MLIP: variants seen among roughly 807,000 people sequenced by gnomAD.
MLIP encodes muscular LMNA interacting protein, also known as muscular LMNA-interacting protein.
A neutral mutation model predicts 84.8 loss-of-function variants in MLIP; 79 were observed. The observed-to-expected ratio is 0.93, with a 90% confidence interval of 0.78 to 1.12. The LOEUF (loss-of-function observed/expected upper bound fraction) is 1.12. Ranked by LOEUF, MLIP falls within the 50% of genes most tolerant of loss-of-function variation. The pLI is 0.00. For synonymous variants in MLIP, 504 were observed against 463.0 expected, an observed-to-expected ratio of 1.09 and a Z score of -1.14; for missense variants, 1,257 against 1,160.6, an observed-to-expected ratio of 1.08 and a Z score of -1.21.
rs190272053 is a variant in MLIP, at chr6:54,084,705, T to C, written c.64-36742T>C. ...AATAGGGAAGATTAGTATATTTTCA[T>C]TGCATTTTTTAAGCTTGTTGCCCCA... On this transcript the variant is annotated intron_variant, in intron 1 of 12. Transcript: ENST00000274897. Among the ~76,000 whole-genome samples the C allele has an allele frequency of 8.6e-4, 131 of 152,328 alleles. 1 individual carries two copies. Among genetic ancestry groups the C allele is most frequent in the African/African-American group, 2.8e-3 (118 of 41,580 alleles).
At chr6:54,205,783 A>G (rs1398418928) in intron 11 of MLIP, among the ~76,000 whole-genome samples, 5 of 152,220 alleles carry the variant, frequency 3.3e-5, no homozygotes, top group Non-Finnish European at 5.9e-5. Flanking sequence ...TTTTAAAAAA[A>G]CGAAACCTTC....
At chr6:54,203,370 A>G (rs1463361481) in intron 11 of MLIP, among the ~76,000 whole-genome samples, 1 of 152,122 alleles carries the variant, frequency 6.6e-6, no homozygotes, top group Non-Finnish European at 1.5e-5. Flanking sequence ...ATCATATTTT[A>G]TAATCCATAA....
At chr6:54,216,686 C>T in intron 11 of MLIP, 6 of 984,882 alleles carry the variant, frequency 6.1e-6, no homozygotes, top group Non-Finnish European at 7.2e-6. Context: ...TTTCTTGGTT[C>T]AAATCAGGAT....
intron 1 of MLIP, chr6:54,032,409 T>G (rs181691141): frequency 2.6e-5 from 4 of 152,300 alleles, no homozygotes; most frequent in Admixed American, 2.6e-4. Flanking sequence ...AATCCTGTGC[T>G]GAGGGGTAGC....
chr6:54,181,768 G>A (rs535166944), intron 9 of MLIP, among the ~76,000 whole-genome samples: 18 of 152,282 alleles, frequency 1.2e-4, no homozygotes, highest in African/African-American at 3.4e-4. Flanking sequence ...TCAAGGCAGC[G>A]GGTTCTCTTT....
chr6:54,068,478 TGAC>T (rs1301045366), intron 1 of MLIP, among the ~76,000 whole-genome samples: 4 of 99,432 alleles, frequency 4.0e-5, no homozygotes, highest in African/African-American at 1.0e-4. Context: ...GCCACGTGGC[TGAC>T]AACAGACCAC....
At chr6:54,031,010 A>C (rs1764099861) in intron 1 of MLIP, among the ~76,000 whole-genome samples, 1 of 152,166 alleles carries the variant, frequency 6.6e-6, no homozygotes. Context: ...CCTTTTTTCC[A>C]CAAAAGTACA....
intron 1 of MLIP, among the ~76,000 whole-genome samples, chr6:54,050,296 A>AT (rs1011224461): frequency 1.4e-4 from 21 of 152,248 alleles, no homozygotes; most frequent in Middle Eastern, 6.8e-3. Flanking sequence ...CACATATAGT[A>AT]TTTTTTACCT....
At chr6:54,140,683 CT>C (rs890410668) in intron 4 of MLIP, among the ~76,000 whole-genome samples, 3 of 151,946 alleles carry the variant, frequency 2.0e-5, no homozygotes, top group African/African-American at 4.8e-5. Context: ...AGTCAGCCTA[CT>C]TTTTTTTATT....
At chr6:54,213,041 A>C (rs1049663883) in intron 11 of MLIP, among the ~76,000 whole-genome samples, 3 of 152,140 alleles carry the variant, frequency 2.0e-5, no homozygotes, top group Admixed American at 2.0e-4. Context: ...TTACTGTCTC[A>C]GCTTTCTTCA....
chr6:54,042,206 A>G (rs1267516382), intron 1 of MLIP, among the ~76,000 whole-genome samples: 1 of 152,122 alleles, frequency 6.6e-6, no homozygotes, highest in African/African-American at 2.4e-5. Context: ...TTCTGTGAAT[A>G]AAACTGAAAA....
chr6:54,160,719 C>T (rs1240268066), intron 7 of MLIP, 21 bp from the exon 8 acceptor site: 2 of 1,545,750 alleles, frequency 1.3e-6, no homozygotes, highest in Non-Finnish European at 1.8e-6. Flanking sequence ...TTCTTCTTTC[C>T]TTCCTTTCTT....
chr6:54,180,152 G>A (rs971610365), intron 9 of MLIP, among the ~76,000 whole-genome samples: 1 of 151,970 alleles, frequency 6.6e-6, no homozygotes, highest in Non-Finnish European at 1.5e-5. Flanking sequence ...ACTATCTCCT[G>A]GCCTGTAATG....
chr6:54,109,561 C>T (rs544182786), upstream of MLIP, among the ~76,000 whole-genome samples: 2 of 152,148 alleles, frequency 1.3e-5, no homozygotes, highest in East Asian at 3.9e-4. Context: ...CCAGCCCTCT[C>T]TCTTTGCTTG....
At chr6:54,160,924 T>C (rs1774573146) in intron 8 of MLIP, 125 bp downstream of exon 8, 3 of 755,062 alleles carry the variant, frequency 4.0e-6, no homozygotes, top group Non-Finnish European at 6.5e-6. Flanking sequence ...TCAGTCTTTT[T>C]TGTAGAATTT....
intron 11 of MLIP, among the ~76,000 whole-genome samples, chr6:54,203,139 G>T (rs1305454470): frequency 6.6e-6 from 1 of 152,086 alleles, no homozygotes; most frequent in East Asian, 1.9e-4. Flanking sequence ...AGGTATAATG[G>T]AGAATTGTCA....
intron 13 of MLIP, among the ~76,000 whole-genome samples, chr6:54,261,355 T>C (rs1013936046): frequency 2.6e-5 from 4 of 152,018 alleles, no homozygotes; most frequent in African/African-American, 7.2e-5. Context: ...TATTTTCAAA[T>C]TGAAGATCAA....
chr6:54,138,008 T>A lies in MLIP; in HGVS notation c.1939T>A (p.Ser647Thr). The A allele has an allele frequency of 6.5e-7, 1 of 1,536,072 alleles. No homozygotes were observed. Among genetic ancestry groups the A allele is most frequent in the Non-Finnish European group, 8.7e-7 (1 of 1,146,866 alleles). ...NPSALPSLPV[S>T]SADFASLPNL... ...TTCAGCTCTTCCTTCACTCCCTGTC[T>A]CCAGTGCTGACTTTGCCTCTCTTCC... The change falls in exon 4 of 14, where the codon TCC (serine) becomes ACC (threonine). Residue 647 changes from serine (S) to threonine (T), a missense_variant. By Grantham distance (58) the Ser-to-Thr change is moderately conservative. Transcript: ENST00000502396.
At chr6:54,124,906 C>T (rs778910805) in intron 3 of MLIP, 41 bp downstream of exon 3, 28 of 1,511,382 alleles carry the variant, frequency 1.9e-5, no homozygotes, top group African/African-American at 5.6e-5. Flanking sequence ...AAAAAAAAAG[C>T]GTTTATGCAC....
Sources: gnomAD v4.1 joint callset for allele counts (sites outside exome capture counted in the v4.1 genomes callset) on GRCh38, gnomAD v4.1.1 for gene constraint, MANE v1.5 for transcripts, NCBI Gene and HGNC (gene_info 2026-07-23, HGNC 2026-07-21) for gene names.